The following COA5 variants were observed in gnomAD, a reference collection of about 807,000 sequenced individuals.
COA5 encodes cytochrome c oxidase assembly factor 5.
In COA5, 11 loss-of-function variants were observed where a neutral mutation model predicts 11.8. That is an observed-to-expected ratio of 0.93 (90% CI 0.59 to 1.54). The LOEUF is 1.54. Ranked by LOEUF, COA5 falls within the 40% of genes most tolerant of loss-of-function variation. The probability of loss-of-function intolerance (pLI) is 0.00; values close to 1 mark genes in which losing one functional copy is unlikely to be tolerated. For missense variants in COA5, 87 were observed against 89.2 expected, an observed-to-expected ratio of 0.97 and a Z score of 0.10; for synonymous variants, 38 against 37.5, an observed-to-expected ratio of 1.01 and a Z score of -0.05.
intron 1 of COA5, among the ~76,000 whole-genome samples, chr2:98,605,074 C>T (rs552431653): frequency 1.7e-3 from 260 of 152,264 alleles, no homozygotes; most frequent in Non-Finnish European, 2.5e-3. Context: ...TTTTCAAAAG[C>T]TTTCAACCTA....
intron 2 of COA5, among the ~76,000 whole-genome samples, chr2:98,603,167 T>C (rs1352853459): frequency 6.6e-6 from 1 of 152,170 alleles, no homozygotes; most frequent in Non-Finnish European, 1.5e-5. Flanking sequence ...ATTTGCAGTG[T>C]AGTTCCTAAG....
chr2:98,601,827 C>A (rs951338947), intron 2 of COA5, among the ~76,000 whole-genome samples: 1 of 152,156 alleles, frequency 6.6e-6, no homozygotes, highest in African/African-American at 2.4e-5. Context: ...ACTGCACATT[C>A]AAGGGATCTA....
chr2:98,606,596 C>T (rs1700708142), intron 1 of COA5, among the ~76,000 whole-genome samples: 1 of 152,200 alleles, frequency 6.6e-6, no homozygotes, highest in Non-Finnish European at 1.5e-5. Flanking sequence ...TATTTGTTCC[C>T]TGAACTGGAG....
intron 2 of COA5, among the ~76,000 whole-genome samples, chr2:98,601,836 T>C (rs1388960958): frequency 6.6e-6 from 1 of 152,136 alleles, no homozygotes; most frequent in Non-Finnish European, 1.5e-5. Flanking sequence ...TCAAGGGATC[T>C]AGGTGGTACG....
intron 2 of COA5, among the ~76,000 whole-genome samples, chr2:98,601,393 C>T (rs1280213764): frequency 2.0e-5 from 3 of 152,148 alleles, no homozygotes; most frequent in African/African-American, 7.2e-5. Flanking sequence ...GGTTAATATT[C>T]AAATATATTT....
At chr2:98,606,769 C>T (rs1039667049) in intron 1 of COA5, among the ~76,000 whole-genome samples, 1 of 151,998 alleles carries the variant, frequency 6.6e-6, no homozygotes, top group Non-Finnish European at 1.5e-5. Flanking sequence ...CGATGCTGAA[C>T]GTCTGGATAA....
chr2:98,600,409 CAG>C lies in COA5; in HGVS notation c.*341_*342del. On this transcript the variant is annotated 3_prime_UTR_variant, in exon 3 of 3. Transcript: ENST00000328709. ...ATGTTATCGACTGTGTCAGTCAAAT[CAG>C]TGGCCTGTACTAATTGGGTAATTCA... The C allele has an allele frequency of 3.2e-6, 1 of 312,144 alleles. No homozygotes were observed. Among genetic ancestry groups the C allele is most frequent in the East Asian group, 7.1e-5 (1 of 14,002 alleles). The allele number at this position is 312,144 out of a possible 1,614,324, so 19.3% of individuals were successfully genotyped here.
intron 2 of COA5, among the ~76,000 whole-genome samples, chr2:98,602,805 TA>T (rs199805772): frequency 6.6e-5 from 10 of 151,614 alleles, no homozygotes; most frequent in African/African-American, 2.4e-4. Context: ...ATTGTAAAAA[TA>T]AAAAAAAATC....
At position 98,600,455 on chromosome 2, in the gene COA5, C is replaced by T; in HGVS notation, c.*297G>A. The stretch of plus-strand genomic sequence containing the variant: ...TAATTCAATTGAAGAGTCAAGTTTG[C>T]AAATAACAGTCTTTCCATTTTCTGT... On this transcript the variant is annotated 3_prime_UTR_variant, in exon 3 of 3. Transcript: ENST00000328709. 2.3e-6 allele frequency: 1 copy of T among 430,562 alleles called. No homozygotes were observed. The highest frequency in any genetic ancestry group is 4.3e-6 in the Non-Finnish European group (1 of 233,432). 26.7% of individuals were successfully genotyped at this position (430,562 alleles called of 1,614,324 possible).
At chr2:98,603,615 C>T (rs1295075463) in intron 2 of COA5, among the ~76,000 whole-genome samples, 7 of 152,192 alleles carry the variant, frequency 4.6e-5, no homozygotes, top group Admixed American at 2.0e-4. Flanking sequence ...GATCTCCATA[C>T]ATCTTCCAAA....
intron 2 of COA5, among the ~76,000 whole-genome samples, chr2:98,603,540 T>G (rs1210611751): frequency 6.6e-6 from 1 of 152,136 alleles, no homozygotes; most frequent in South Asian, 2.1e-4. Flanking sequence ...CTTCCTTTAA[T>G]GGGATGCTCA....
In COA5 at chr2:98,608,478, G is replaced by T. The variant is rs1024257695; in HGVS notation, c.-73C>A. ...ACTTGCAACCGGGTCGGGAGCGAGC[G>T]AGGCCCCAGTCTCAGGGGACCGGAA... On this transcript the variant is annotated 5_prime_UTR_variant, in exon 1 of 3. Transcript: ENST00000328709. 8.3e-7 allele frequency: 1 copy of T among 1,207,048 alleles called. No homozygotes were observed. The highest frequency in any genetic ancestry group is 1.5e-5 in the African/African-American group (1 of 66,798). The allele number at this position is 1,207,048 out of a possible 1,614,324, so 74.8% of individuals were successfully genotyped here.
rs1462866600 is a variant in COA5 at position 98,608,409 on chromosome 2, G to A, written c.-4C>T. 4 of 1,592,568 alleles carry A rather than the reference G, an allele frequency of 2.5e-6. No homozygotes were observed. Among genetic ancestry groups the A allele is most frequent in the East Asian group, 4.5e-5 (2 of 44,108 alleles). ...TGTCCTCATAATACTTAGGCATGAC[G>A]GCGCTTCCCCTCCGATGCGGACGCG... On this transcript the variant is annotated 5_prime_UTR_variant, in exon 1 of 3. Transcript: ENST00000328709.
In COA5 at chr2:98,608,287, G is replaced by A. The variant is rs1303125073; in HGVS notation, c.99+20C>T. On this transcript the variant is annotated intron_variant, in intron 1 of 2. Transcript: ENST00000328709. ...CCTGGGACAGGGGTCGTCACCACCG[G>A]GAGCGCCCGGCCGCGCTACCTGGAC... 2 of 1,565,998 alleles carry A rather than the reference G, an allele frequency of 1.3e-6. No homozygotes were observed. The highest frequency in any genetic ancestry group is 1.7e-6 in the Non-Finnish European group (2 of 1,154,222).
In COA5 at chr2:98,600,604, C is replaced by T. The variant is rs542153818; in HGVS notation, c.*148G>A. The T allele has an allele frequency of 1.7e-4, 116 of 696,752 alleles. 1 individual carries two copies. The South Asian group carries it at 1.8e-3, about 11-fold the overall frequency. The allele number at this position is 696,752 out of a possible 1,614,324, so 43.2% of individuals were successfully genotyped here. On this transcript the variant is annotated 3_prime_UTR_variant, in exon 3 of 3. Coordinates refer to ENST00000328709, the MANE Select transcript of COA5 (RefSeq NM_001008215.3). ...TTACTTTATACATATTCGAAAACAA[C>T]TCATCCACTTTCTTCAGTGTTCCAC...
intron 2 of COA5, among the ~76,000 whole-genome samples, chr2:98,601,223 C>CAATAAATAAATAAATA (rs758730261): frequency 4.2e-4 from 63 of 149,702 alleles, no homozygotes; most frequent in African/African-American, 1.3e-3. Context: ...CCAGCCTGGG[C>CAATAAATAAATAAATA]AATAAATAAA....
Position 98,606,768 on chromosome 2 carries a change from ACG to A in COA5, c.99+1537_99+1538del, listed in dbSNP as rs200244894. ...CATCAACATGGCCTTCCGATGCTGA[ACG>A]TCTGGATAAAATCCAGTCTCCTCAC... On this transcript the variant is annotated intron_variant, in intron 1 of 2. Transcript: ENST00000328709. Among the ~76,000 whole-genome samples the A allele has an allele frequency of 6.7e-4, 102 of 152,304 alleles. 3 individuals carry two copies. The East Asian group carries it at 0.011, about 16-fold the overall frequency.
intron 1 of COA5, 183 bp downstream of exon 1, chr2:98,608,124 A>G: frequency 1.6e-6 from 1 of 614,238 alleles, no homozygotes; most frequent in Non-Finnish European, 2.9e-6. Context: ...CTCCGATTTA[A>G]CCCCACAGGG....
intron 1 of COA5, among the ~76,000 whole-genome samples, chr2:98,606,807 T>C (rs1559145424): frequency 6.6e-6 from 1 of 152,186 alleles, no homozygotes; most frequent in East Asian, 1.9e-4. Flanking sequence ...CTGACACACA[T>C]ACAGGCCTTC....
Sources: allele counts gnomAD v4.1 joint callset (sites outside exome capture counted in the v4.1 genomes callset), GRCh38; gene constraint gnomAD v4.1.1; transcripts MANE v1.5; gene names NCBI Gene and HGNC (gene_info 2026-07-23, HGNC 2026-07-21).